The following SORBS3 variants were observed in gnomAD, a reference collection of about 807,000 sequenced individuals.
SORBS3 encodes the protein sorbin and SH3 domain containing 3.
SORBS3 carries 69 observed loss-of-function variants against 98.0 expected under a neutral mutation model. The observed-to-expected ratio is 0.70, with a 90% CI of 0.58 to 0.86. The LOEUF is 0.86. Among genes scored for constraint, SORBS3 ranks in the 40% least tolerant of loss-of-function variants. The pLI, the probability that SORBS3 is intolerant of heterozygous loss-of-function variation, is 0.00. For synonymous variants in SORBS3, 394 were observed against 355.4 expected, an observed-to-expected ratio of 1.11 and a Z score of -1.22; for missense variants, 954 against 908.5, an observed-to-expected ratio of 1.05 and a Z score of -0.64.
At chr8:22,566,966 G>A in intron 15 of SORBS3, 95 bp from the exon 16 acceptor site, 1 of 1,549,862 alleles carries the variant, frequency 6.5e-7, no homozygotes, top group Non-Finnish European at 8.9e-7. Context: ...GCATCCCCAA[G>A]GGGTGAGAGA....
In SORBS3 at chr8:22,571,074, C is replaced by T. The variant is rs1840566985; in HGVS notation, c.1596C>T (p.Arg532=). 2 of 1,612,404 alleles carry T rather than the reference C, an allele frequency of 1.2e-6. No homozygotes were observed. Among genetic ancestry groups the T allele is most frequent in the East Asian group, 2.2e-5 (1 of 44,878 alleles). Reference sequence around the variant, plus strand: ...GCCCCCAGCTCCCCACGTCTCCCCGCCTGACCGCTGCCGCCCGCTCAGCCC... The same window carrying T: ...GCCCCCAGCTCCCCACGTCTCCCCGTCTGACCGCTGCCGCCCGCTCAGCCC... ...DDGPQLPTSP[R]LTAAARSARH... is the part of the protein sequence containing the mutation. Residue 532 remains arginine, a synonymous_variant, in exon 18 of 21, where the codon CGC becomes CGT. Coordinates refer to ENST00000240123, the MANE Select transcript of SORBS3 (RefSeq NM_005775.5).
At chr8:22,563,965 A>C in intron 7 of SORBS3, 22 bp from the exon 8 acceptor site, 2 of 1,583,122 alleles carry the variant, frequency 1.3e-6, no homozygotes, top group Non-Finnish European at 1.7e-6. Flanking sequence ...GAAGCTGAAG[A>C]GATGTCCTTC....
rs1297856428 is a variant in SORBS3 at position 22,571,081 on chromosome 8, G to A, written c.1603G>A (p.Ala535Thr). ...GCTCCCCACGTCTCCCCGCCTGACC[G>A]CTGCCGCCCGCTCAGCCCGTCACCC... ...PQLPTSPRLTAAARSARHPSS... is the reference protein window; with the variant it reads ...PQLPTSPRLTTAARSARHPSS... The change falls in exon 18 of 21, where the codon GCT becomes ACT. Residue 535 changes from alanine (A) to threonine (T), a missense_variant. Transcript: ENST00000240123. 5 of 1,611,564 alleles carry A rather than the reference G, an allele frequency of 3.1e-6. No homozygotes were observed. Among genetic ancestry groups the A allele is most frequent in the East Asian group, 2.2e-5 (1 of 44,856 alleles).
chr8:22,554,730 G>A lies in SORBS3; in HGVS notation c.102+122G>A, dbSNP rs946548772. 5 of 1,365,196 alleles carry A rather than the reference G, an allele frequency of 3.7e-6. No individual in the cohort carries two copies. The highest frequency in any genetic ancestry group is 5.0e-6 in the Non-Finnish European group (5 of 1,005,712). The allele number at this position is 1,365,196 out of a possible 1,614,324, so 84.6% of individuals were successfully genotyped here. ...GGAGGGCTGAAGAGAGCTCTGGGGG[G>A]CCTCGCTGGTTTCCCACAAAATCGT... On this transcript the variant is annotated intron_variant, in intron 2 of 20. Transcript: ENST00000240123. The surrounding 1 kb of genome is among the most constrained non-coding windows in gnomAD (Gnocchi z 6.5).
intron 11 of SORBS3, chr8:22,565,623 C>G: frequency 2.9e-6 from 3 of 1,023,128 alleles, no homozygotes; most frequent in Non-Finnish European, 3.7e-6. Context: ...CCCGTCCGGC[C>G]CCCGGGCCCC....
At chr8:22,566,584 A>G in intron 13 of SORBS3, 77 bp from the exon 14 acceptor site, 1 of 1,578,510 alleles carries the variant, frequency 6.3e-7, no homozygotes, top group African/African-American at 1.4e-5. Flanking sequence ...TGCTTCTGCC[A>G]GTGCCTGCCC....
chr8:22,547,335 T>TG (rs888566875), upstream of SORBS3, among the ~76,000 whole-genome samples: 3 of 152,126 alleles, frequency 2.0e-5, no homozygotes, highest in Non-Finnish European at 4.4e-5. Flanking sequence ...GCCTTTTTTT[T>TG]TTTTATCACA....
In SORBS3 at chr8:22,571,833, C is replaced by T. The variant is rs1023704532; in HGVS notation, c.1847+12C>T. 6.4e-7 allele frequency: 1 copy of T among 1,574,740 alleles called. No homozygotes were observed. Among genetic ancestry groups the T allele is most frequent in the Non-Finnish European group, 8.7e-7 (1 of 1,144,546 alleles). On this transcript the variant is annotated intron_variant, in intron 19 of 20. Transcript: ENST00000240123. ...ATACACTGGACCCCGTGAGTACCATCTGAGGGCTCTTGATCAGACGTGGGG... is the reference window on the plus strand; with the variant it reads ...ATACACTGGACCCCGTGAGTACCATTTGAGGGCTCTTGATCAGACGTGGGG...
chr8:22,567,281 G>T, intron 16 of SORBS3, 106 bp downstream of exon 16: 1 of 757,636 alleles, frequency 1.3e-6, no homozygotes, highest in Non-Finnish European at 2.2e-6. Flanking sequence ...ACTGTGAGGG[G>T]CTGGGGCGTG....
intron 1 of SORBS3, among the ~76,000 whole-genome samples, chr8:22,553,623 G>T (rs1376119704): frequency 6.6e-6 from 1 of 152,246 alleles, no homozygotes; most frequent in Non-Finnish European, 1.5e-5. Context: ...GCATGGTGCT[G>T]CCAGGGAAGA....
intron 19 of SORBS3, 136 bp downstream of exon 19, chr8:22,571,957 C>G (rs1840598975): frequency 1.5e-6 from 1 of 662,042 alleles, no homozygotes; most frequent in Non-Finnish European, 2.7e-6. Context: ...CCTCGAAGAG[C>G]TTATGGTGAT....
intron 20 of SORBS3, 60 bp from the exon 21 acceptor site, chr8:22,574,607 C>G: frequency 6.5e-7 from 1 of 1,539,512 alleles, no homozygotes; most frequent in Admixed American, 1.7e-5. Context: ...CAGGCCCTCA[C>G]CCCTGCATCC....
chr8:22,574,848 A>G lies in SORBS3; in HGVS notation c.*120A>G, dbSNP rs1840689494. 2 of 977,960 alleles carry G rather than the reference A, an allele frequency of 2.0e-6. No individual in the cohort carries two copies. Among genetic ancestry groups the G allele is most frequent in the East Asian group, 2.4e-5 (1 of 41,720 alleles). 60.6% of individuals were successfully genotyped at this position (977,960 alleles called of 1,614,324 possible). A position where few individuals can be genotyped will look rare whatever the true frequency, so the allele number is the denominator to read the frequency against. ...CAGGACCTGAGCTCCCAGCATCTGC[A>G]GACGACCCCCGCAGCCTTTCCCTCG... On this transcript the variant is annotated 3_prime_UTR_variant, in exon 21 of 21. Coordinates refer to ENST00000240123, the MANE Select transcript of SORBS3 (RefSeq NM_005775.5).
At chr8:22,550,408 C>CCTTGGACCTGCTTCCCTATGA (rs1235355687), upstream of SORBS3, among the ~76,000 whole-genome samples, 17 of 152,342 alleles carry the variant, frequency 1.1e-4, no homozygotes, top group Non-Finnish European at 1.5e-4. Context: ...TCCTGGGAAG[C>CCTTGGACCTGCTTCCCTATGA]CTTGGACCTG....
chr8:22,553,797 C>T (rs531062289), intron 1 of SORBS3, among the ~76,000 whole-genome samples: 13 of 152,358 alleles, frequency 8.5e-5, no homozygotes, highest in African/African-American at 3.1e-4. Flanking sequence ...CCGCTTCTGT[C>T]TCCACCCACC....
chr8:22,572,285 C>A, intron 19 of SORBS3, 55 bp from the exon 20 acceptor site: 1 of 1,464,400 alleles, frequency 6.8e-7, no homozygotes, highest in Non-Finnish European at 9.6e-7. Flanking sequence ...AGCGGCAACA[C>A]TTGGGTTAGA....
At chr8:22,563,532 G>A (rs551148812) in intron 7 of SORBS3, among the ~76,000 whole-genome samples, 138 of 152,302 alleles carry the variant, frequency 9.1e-4, no homozygotes, top group African/African-American at 3.2e-3. Context: ...CTCAGCCACA[G>A]CACCCAGAAA....
chr8:22,568,399 T>A (rs1563834505), intron 16 of SORBS3, among the ~76,000 whole-genome samples: 1 of 152,264 alleles, frequency 6.6e-6, no homozygotes, highest in Non-Finnish European at 1.5e-5. Flanking sequence ...AGAATGCTGC[T>A]TTAACTGCAT....
In SORBS3 at chr8:22,572,321, C is replaced by A. The variant is rs1840608210; in HGVS notation, c.1848-19C>A. The A allele has an allele frequency of 1.2e-6, 2 of 1,607,884 alleles. No homozygotes were observed. Among genetic ancestry groups the A allele is most frequent in the Non-Finnish European group, 1.7e-6 (2 of 1,174,474 alleles). ...GCCTCTGGGCCCATTCTCTGGTTGC[C>A]ATGATACGCTTCTCGCAGGTACCGG... On this transcript the variant is annotated intron_variant, in intron 19 of 20. Coordinates refer to ENST00000240123, the MANE Select transcript of SORBS3 (RefSeq NM_005775.5).
Sources: allele counts gnomAD v4.1 joint callset (sites outside exome capture counted in the v4.1 genomes callset), GRCh38; gene constraint gnomAD v4.1.1; non-coding constraint Gnocchi (gnomAD v3.1); transcripts MANE v1.5; gene names NCBI Gene and HGNC (gene_info 2026-07-23, HGNC 2026-07-21).